The following PRKN variants were observed in gnomAD, a reference collection of about 807,000 sequenced individuals.
The protein encoded by PRKN is E3 ubiquitin-protein ligase parkin.
A neutral mutation model predicts 59.5 loss-of-function variants in PRKN; 56 were observed. That is an observed-to-expected ratio of 0.94 (90% confidence interval 0.76 to 1.18). PRKN has a LOEUF of 1.18. PRKN is among the 50% of genes most tolerant of loss of function. PRKN has a pLI of 0.00. For synonymous variants in PRKN, 250 were observed against 222.1 expected, an observed-to-expected ratio of 1.13 and a Z score of -1.12; for missense variants, 657 against 596.4, an observed-to-expected ratio of 1.10 and a Z score of -1.06.
At position 161,552,596 on chromosome 6, in the gene PRKN, A is replaced by C. The variant is rs1401183066; in HGVS notation, c.934-3593T>G. Among the ~76,000 whole-genome samples the C allele has an allele frequency of 2.0e-5, 3 of 151,078 alleles. No homozygotes were observed. The highest frequency in any genetic ancestry group is 4.4e-5 in the Non-Finnish European group (3 of 68,016). Reference sequence around the variant, plus strand: ...CATTGAAAAAAAACAAAAACAAAAAACAAAAAACAAAAAACTTTTTATTGT... The same window carrying C: ...CATTGAAAAAAAACAAAAACAAAAACCAAAAAACAAAAAACTTTTTATTGT... On this transcript the variant is annotated intron_variant, in intron 8 of 11. Coordinates refer to ENST00000366898, the MANE Select transcript of PRKN (RefSeq NM_004562.3). The surrounding 1 kb of genome is among the most constrained non-coding windows in gnomAD (Gnocchi z 4.9).
chr6:162,474,795 G>C (rs1378568044), intron 1 of PRKN, among the ~76,000 whole-genome samples: 1 of 152,226 alleles, frequency 6.6e-6, no homozygotes, highest in East Asian at 1.9e-4. Flanking sequence ...CAGAGATAAG[G>C]CTACTGAAAA....
Position 161,347,620 on chromosome 6 carries a change from T to TG in PRKN, c.*2478_*2479insC, listed in dbSNP as rs1380211435. Reference sequence around the variant, plus strand: ...GGATGATCTTGCTTTTTTGTTTTTGTTTTTTTTTTTTTTTTGAGACAGAGT... The same window carrying TG: ...GGATGATCTTGCTTTTTTGTTTTTGTGTTTTTTTTTTTTTTTGAGACAGAGT... On this transcript the variant is annotated 3_prime_UTR_variant, in exon 12 of 12. Coordinates refer to ENST00000366898, the MANE Select transcript of PRKN (RefSeq NM_004562.3). The TG allele has an allele frequency of 1.2e-4, 13 of 110,510 alleles. No homozygotes were observed. Among genetic ancestry groups the TG allele is most frequent in the African/African-American group, 3.2e-4 (7 of 21,844 alleles). 6.8% of individuals were successfully genotyped at this position (110,510 alleles called of 1,614,324 possible).
Position 161,471,539 on chromosome 6 carries a change from C to T in PRKN, c.1083+77315G>A, listed in dbSNP as rs1790790205. 6.6e-6 allele frequency among the ~76,000 whole-genome samples: 1 copy of T among 152,140 alleles called. No homozygotes were observed. The highest frequency in any genetic ancestry group is 2.4e-5 in the African/African-American group (1 of 41,420). ...GATTGGGTAATGAAGAATGTATCCTCTTAGGCACTTTCATTAACAACTTGA... is the reference window on the plus strand; with the variant it reads ...GATTGGGTAATGAAGAATGTATCCTTTTAGGCACTTTCATTAACAACTTGA... On this transcript the variant is annotated intron_variant, in intron 9 of 11. Coordinates refer to ENST00000366898, the MANE Select transcript of PRKN (RefSeq NM_004562.3). The surrounding 1 kb of genome is among the most constrained non-coding windows in gnomAD (Gnocchi z 4.5).
At chr6:162,334,176 G>A (rs1783722612) in intron 2 of PRKN, among the ~76,000 whole-genome samples, 1 of 152,204 alleles carries the variant, frequency 6.6e-6, no homozygotes, top group African/African-American at 2.4e-5. Context: ...AGCAACAAAT[G>A]CTGCTGTAGA....
At chr6:161,952,358 C>CTGTA (rs1780021995) in intron 6 of PRKN, among the ~76,000 whole-genome samples, 1 of 152,152 alleles carries the variant, frequency 6.6e-6, no homozygotes, top group South Asian at 2.1e-4. Flanking sequence ...TGGCTCATGC[C>CTGTA]TGTAATCCCA....
intron 1 of PRKN, chr6:162,727,277 G>A (rs1779278741): frequency 4.4e-6 from 1 of 228,662 alleles, no homozygotes; most frequent in Non-Finnish European, 8.2e-6. Context: ...ACCGGCCAGT[G>A]AGGTGAGGGG....
In PRKN at chr6:162,410,607, G is replaced by A. The variant is rs118018689; in HGVS notation, c.171+32703C>T. Among the ~76,000 whole-genome samples, 745 of 152,282 alleles carry A rather than the reference G, an allele frequency of 4.9e-3. 6 individuals carry two copies. The highest frequency in any genetic ancestry group is 8.8e-3 in the Non-Finnish European group (598 of 68,014). ...AGAGGAGTGGACAATGCATACCAAT[G>A]AGGAAAGGAGAGCAGAGGTGATTGA... On this transcript the variant is annotated intron_variant, in intron 2 of 11. Coordinates refer to ENST00000366898, the MANE Select transcript of PRKN (RefSeq NM_004562.3).
intron 6 of PRKN, among the ~76,000 whole-genome samples, chr6:161,846,611 C>T (rs1344650109): frequency 7.4e-6 from 1 of 136,028 alleles, no homozygotes; most frequent in East Asian, 2.2e-4. Flanking sequence ...TATTCTGTTA[C>T]CATATGCTCA....
intron 2 of PRKN, among the ~76,000 whole-genome samples, chr6:162,399,426 G>A (rs149481601): frequency 5.6e-4 from 85 of 152,254 alleles, no homozygotes; most frequent in African/African-American, 2.0e-3. Flanking sequence ...AAGAAAGTGA[G>A]CAATACTAGA....
rs77170699 is a variant in PRKN at position 162,371,152 on chromosome 6, C to G, written c.171+72158G>C. Reference sequence around the variant, plus strand: ...TCAATCCATTTGTTCAACATTTGCTCCCAGGAGAGGCGGGATGCTTCCTGG... The same window carrying G: ...TCAATCCATTTGTTCAACATTTGCTGCCAGGAGAGGCGGGATGCTTCCTGG... On this transcript the variant is annotated intron_variant, in intron 2 of 11. Coordinates refer to ENST00000366898, the MANE Select transcript of PRKN (RefSeq NM_004562.3). Among the ~76,000 whole-genome samples, 1,224 of 152,214 alleles carry G rather than the reference C, an allele frequency of 8.0e-3. 17 individuals carry two copies. Among genetic ancestry groups the G allele is most frequent in the African/African-American group, 0.028 (1,146 of 41,532 alleles).
At chr6:161,679,678 C>A (rs1436258401) in intron 7 of PRKN, among the ~76,000 whole-genome samples, 1 of 137,554 alleles carries the variant, frequency 7.3e-6, no homozygotes, top group African/African-American at 2.7e-5. Flanking sequence ...AGAACCACCC[C>A]CCCCCCTTTT....
At chr6:162,004,654 T>C (rs138006584) in intron 5 of PRKN, among the ~76,000 whole-genome samples, 25 of 152,264 alleles carry the variant, frequency 1.6e-4, no homozygotes, top group Middle Eastern at 3.4e-3. Flanking sequence ...TGTTGCAAAA[T>C]TGTAGCTTCA....
At chr6:161,514,473 G>T (rs1268128824) in intron 9 of PRKN, among the ~76,000 whole-genome samples, 1 of 152,098 alleles carries the variant, frequency 6.6e-6, no homozygotes, top group African/African-American at 2.4e-5. Flanking sequence ...AGAAGGCAAG[G>T]TTTTAAAACA....
intron 3 of PRKN, among the ~76,000 whole-genome samples, chr6:162,226,712 T>G (rs551798799): frequency 6.6e-6 from 1 of 152,278 alleles, no homozygotes; most frequent in Admixed American, 6.5e-5. Context: ...TTTTGTATTT[T>G]TAGTAGAGAC....
At chr6:162,203,366 TA>T (rs1159995010) in intron 3 of PRKN, among the ~76,000 whole-genome samples, 1 of 151,984 alleles carries the variant, frequency 6.6e-6, no homozygotes, top group East Asian at 1.9e-4. Context: ...AGTTGGGGAT[TA>T]ACAGCCAGTC....
At chr6:161,858,580 C>A (rs866335776) in intron 6 of PRKN, among the ~76,000 whole-genome samples, 2 of 152,100 alleles carry the variant, frequency 1.3e-5, no homozygotes, top group Non-Finnish European at 2.9e-5. Flanking sequence ...TACCCACCCC[C>A]ACCTTCACCT....
At chr6:162,024,477 G>A (rs1466015802) in intron 5 of PRKN, among the ~76,000 whole-genome samples, 1 of 152,158 alleles carries the variant, frequency 6.6e-6, no homozygotes. Context: ...GATTATAGGC[G>A]TGAGCCACAG....
chr6:162,119,605 C>T (rs1192853467), intron 4 of PRKN, among the ~76,000 whole-genome samples: 2 of 152,072 alleles, frequency 1.3e-5, no homozygotes, highest in African/African-American at 2.4e-5. Flanking sequence ...AGCAGTGGCG[C>T]GCTGTCCCAG....
intron 2 of PRKN, among the ~76,000 whole-genome samples, chr6:162,337,251 T>C (rs747416656): frequency 1.3e-5 from 2 of 152,190 alleles, no homozygotes; most frequent in African/African-American, 4.8e-5. Flanking sequence ...ATTTCTATTA[T>C]AAAACACAAC....
Sources: allele counts gnomAD v4.1 joint callset (sites outside exome capture counted in the v4.1 genomes callset), GRCh38; gene constraint gnomAD v4.1.1; non-coding constraint Gnocchi (gnomAD v3.1); transcripts MANE v1.5; gene names NCBI Gene and HGNC (gene_info 2026-07-23, HGNC 2026-07-21).